The following DOK6 variants were observed in gnomAD, a reference collection of about 807,000 sequenced individuals.
DOK6 encodes the protein docking protein 6.
DOK6 carries 22 observed loss-of-function variants against 44.0 expected under a neutral mutation model. That is an observed-to-expected ratio of 0.50 (90% confidence interval 0.36 to 0.71). DOK6 has a LOEUF of 0.71. DOK6 is among the 30% of genes least tolerant of loss of function. The pLI, the probability that DOK6 is intolerant of heterozygous loss-of-function variation, is 0.00. For missense variants in DOK6, 340 were observed against 416.4 expected, an observed-to-expected ratio of 0.82 and a Z score of 1.60; for synonymous variants, 166 against 145.5, an observed-to-expected ratio of 1.14 and a Z score of -1.01.
chr18:69,524,705 G>A (rs917228195), intron 1 of DOK6, among the ~76,000 whole-genome samples: 1 of 151,882 alleles, frequency 6.6e-6, no homozygotes, highest in Non-Finnish European at 1.5e-5. Context: ...TAATTTTGAA[G>A]CCACAATAAA....
intron 5 of DOK6, among the ~76,000 whole-genome samples, chr18:69,712,838 C>T (rs1047901193): frequency 6.6e-6 from 1 of 152,156 alleles, no homozygotes; most frequent in Non-Finnish European, 1.5e-5. Flanking sequence ...CAGAGTGAGA[C>T]TCTGTTTCAA....
intron 1 of DOK6, among the ~76,000 whole-genome samples, chr18:69,439,850 C>A (rs561023751): frequency 1.3e-5 from 2 of 152,184 alleles, no homozygotes; most frequent in African/African-American, 4.8e-5. Flanking sequence ...TGTAGTAGCA[C>A]TTTTCATTTC....
At chr18:69,578,140 T>TATA (rs1407155874) in intron 2 of DOK6, among the ~76,000 whole-genome samples, 1 of 152,168 alleles carries the variant, frequency 6.6e-6, no homozygotes, top group Non-Finnish European at 1.5e-5. Context: ...ACTTAGAGTA[T>TATA]ATAGCAGCAT....
chr18:69,760,607 T>G (rs138027140), intron 7 of DOK6, among the ~76,000 whole-genome samples: 8 of 152,170 alleles, frequency 5.3e-5, no homozygotes, highest in African/African-American at 1.7e-4. Context: ...GTTTTATACT[T>G]CGGGTTGGCT....
At chr18:69,762,922 G>C (rs1979608288) in intron 7 of DOK6, among the ~76,000 whole-genome samples, 1 of 152,174 alleles carries the variant, frequency 6.6e-6, no homozygotes, top group South Asian at 2.1e-4. Context: ...GTCAAGGTGA[G>C]AGCCTTAAAG....
chr18:69,556,586 C>T (rs945356084), intron 1 of DOK6, among the ~76,000 whole-genome samples: 6 of 152,148 alleles, frequency 3.9e-5, no homozygotes, highest in African/African-American at 1.4e-4. Flanking sequence ...TCCATAAGGG[C>T]AGAAACTTGG....
rs115063587 is a variant in DOK6, at chr18:69,483,109, G to A, written c.67-81378G>A. ...TGTGTTCATGTTTTCTCATCATTTA[G>A]CTCCCACTTATAAGTGAGAAAATTT... On this transcript the variant is annotated intron_variant, in intron 1 of 7. Transcript: ENST00000382713. 5.7e-3 allele frequency among the ~76,000 whole-genome samples: 869 copies of A among 151,824 alleles called. 15 individuals carry two copies. Among genetic ancestry groups the A allele is most frequent in the African/African-American group, 0.02 (829 of 41,344 alleles).
chr18:69,581,479 T>G (rs1342700264), intron 2 of DOK6, among the ~76,000 whole-genome samples: 1 of 152,230 alleles, frequency 6.6e-6, no homozygotes, highest in Non-Finnish European at 1.5e-5. Flanking sequence ...TAGCTACTAT[T>G]ACAATTTTAC....
intron 5 of DOK6, among the ~76,000 whole-genome samples, chr18:69,732,740 A>G (rs1405709720): frequency 6.6e-6 from 1 of 152,172 alleles, no homozygotes; most frequent in Non-Finnish European, 1.5e-5. Flanking sequence ...TGTACCTTAG[A>G]TATGGTTTAT....
At chr18:69,430,205 T>C (rs1313804933) in intron 1 of DOK6, among the ~76,000 whole-genome samples, 4 of 152,196 alleles carry the variant, frequency 2.6e-5, no homozygotes, top group Non-Finnish European at 5.9e-5. Flanking sequence ...TCTTAGGTTG[T>C]CTACATCAAA....
intron 1 of DOK6, among the ~76,000 whole-genome samples, chr18:69,493,632 T>C (rs1355543204): frequency 6.6e-6 from 1 of 152,182 alleles, no homozygotes; most frequent in Non-Finnish European, 1.5e-5. Context: ...TTTTTCAAAA[T>C]CATAGAGATA....
intron 1 of DOK6, among the ~76,000 whole-genome samples, chr18:69,471,250 CAAAAAAAAAA>C (rs71176969): frequency 4.0e-4 from 11 of 27,780 alleles, no homozygotes; most frequent in East Asian, 2.0e-3. Flanking sequence ...AACTCCATCT[CAAAAAAAAAA>C]AAAAAAAAAA....
intron 1 of DOK6, among the ~76,000 whole-genome samples, chr18:69,485,881 A>ATGTGTGTGTG (rs3044887): frequency 0.01 from 1,539 of 147,188 alleles, 8 homozygotes; most frequent in Non-Finnish European, 0.014. Context: ...ATACGTATAT[A>ATGTGTGTGTG]TGTGTGTGTG....
At chr18:69,650,920 A>C (rs1183360838) in intron 3 of DOK6, among the ~76,000 whole-genome samples, 1 of 152,328 alleles carries the variant, frequency 6.6e-6, no homozygotes, top group East Asian at 1.9e-4. Flanking sequence ...TATTCATTGC[A>C]GCATCTAAAT....
At chr18:69,642,418 C>T (rs915353081) in intron 3 of DOK6, among the ~76,000 whole-genome samples, 16 of 152,108 alleles carry the variant, frequency 1.1e-4, no homozygotes, top group African/African-American at 3.9e-4. Flanking sequence ...TGCCTGTAGT[C>T]CCAGCTACTT....
At chr18:69,840,777 T>C (rs926218041) in intron 7 of DOK6, among the ~76,000 whole-genome samples, 1 of 152,214 alleles carries the variant, frequency 6.6e-6, no homozygotes, top group African/African-American at 2.4e-5. Flanking sequence ...CTGGTTAGGG[T>C]AAAGCACAGC....
At chr18:69,482,326 G>A (rs898829862) in intron 1 of DOK6, among the ~76,000 whole-genome samples, 10 of 152,000 alleles carry the variant, frequency 6.6e-5, no homozygotes, top group Admixed American at 3.9e-4. Context: ...GGTATTGCAC[G>A]TGCACTGATG....
At chr18:69,551,529 T>C (rs1290467785) in intron 1 of DOK6, among the ~76,000 whole-genome samples, 3 of 152,102 alleles carry the variant, frequency 2.0e-5, no homozygotes, top group Non-Finnish European at 2.9e-5. Flanking sequence ...ATATTTGAAA[T>C]ACAAACAATA....
chr18:69,765,265 G>C (rs1007752484), intron 7 of DOK6, among the ~76,000 whole-genome samples: 1 of 152,270 alleles, frequency 6.6e-6, no homozygotes, highest in South Asian at 2.1e-4. Flanking sequence ...ATTTGCAACA[G>C]AAGTAAAATG....
Sources: gnomAD v4.1 joint callset for allele counts (sites outside exome capture counted in the v4.1 genomes callset) on GRCh38, gnomAD v4.1.1 for gene constraint, MANE v1.5 for transcripts, NCBI Gene and HGNC (gene_info 2026-07-23, HGNC 2026-07-21) for gene names.